The following HSPG2 variants were observed in gnomAD, a reference collection of about 807,000 sequenced individuals.
HSPG2 encodes the protein heparan sulfate proteoglycan 2, also known as basement membrane-specific heparan sulfate proteoglycan core protein.
In HSPG2, 278 loss-of-function variants were observed where a neutral mutation model predicts 526.6. That is an observed-to-expected ratio of 0.53 (90% CI 0.48 to 0.58). HSPG2 has a LOEUF of 0.58. HSPG2 is among the 20% of genes least tolerant of loss of function. HSPG2 has a pLI of 0.00. For synonymous variants in HSPG2, 2,465 were observed against 2,555.4 expected, an observed-to-expected ratio of 0.96 and a Z score of 1.07; for missense variants, 5,354 against 6,099.5, an observed-to-expected ratio of 0.88 and a Z score of 4.07.
chr1:21,884,403 T>C, intron 13 of HSPG2, 125 bp downstream of exon 13: 3 of 1,328,434 alleles, frequency 2.3e-6, no homozygotes. Context: ...GCTCAGTGTT[T>C]CTTCAGCGAC....
intron 81 of HSPG2, among the ~76,000 whole-genome samples, chr1:21,832,032 G>A (rs182496997): frequency 6.6e-6 from 1 of 152,198 alleles, no homozygotes; most frequent in African/African-American, 2.4e-5. Context: ...AGCCCACAGG[G>A]ACCCCAGGCT....
chr1:21,901,441 G>C (rs557170762), intron 1 of HSPG2, among the ~76,000 whole-genome samples: 14 of 152,222 alleles, frequency 9.2e-5, no homozygotes, highest in African/African-American at 2.6e-4. Flanking sequence ...CCAGATCTGG[G>C]ATGAAGGGAG....
intron 1 of HSPG2, among the ~76,000 whole-genome samples, chr1:21,903,848 G>A (rs1381343697): frequency 6.6e-6 from 1 of 152,188 alleles, no homozygotes; most frequent in Non-Finnish European, 1.5e-5. Context: ...CACTGACCAG[G>A]CAGGGGACTG....
rs2097958532 is a variant in HSPG2, at chr1:21,823,632, C to T, written c.12987G>A (p.Lys4329=). 1 of 1,613,708 alleles carries T rather than the reference C, an allele frequency of 6.2e-7. No individual in the cohort carries two copies. The highest frequency in any genetic ancestry group is 8.5e-7 in the Non-Finnish European group (1 of 1,179,968). ...SPGPNVAVNA[K]GSVYIGGAPD... ...CAGACTTACCGATGTAGACGCTGCC[C>T]TTGGCGTTGACTGCCACGTTGGGAC... The change falls in exon 96 of 97, where the codon AAG becomes AAA. Residue 4329 remains lysine (K), a synonymous_variant. Transcript: ENST00000374695.
chr1:21,887,533 G>T lies in HSPG2; in HGVS notation c.845C>A (p.Pro282His). 1.2e-6 allele frequency: 2 copies of T among 1,614,104 alleles called. No individual in the cohort carries two copies. The highest frequency in any genetic ancestry group is 1.7e-6 in the Non-Finnish European group (2 of 1,179,996). The change falls in exon 8 of 97, where the codon CCC becomes CAC. Residue 282 changes from proline to histidine, a missense_variant. Physicochemically the swap from Pro to His is moderately conservative, Grantham distance 77 (BLOSUM62 -2). Coordinates refer to ENST00000374695, the MANE Select transcript of HSPG2 (RefSeq NM_005529.7). This position sits in a 1 kb window ranked among gnomAD's most constrained non-coding sequence, Gnocchi z 5.0. ...PQPLLPGSVR[P>H]LPCGPQEAAC... ...GGCCTCCTGGGGCCCACAGGGCAGG[G>T]GCCTGACGGAACCGGGAAGCAGGGG...
chr1:21,912,253 T>C (rs1349816854), intron 1 of HSPG2, among the ~76,000 whole-genome samples: 2 of 151,992 alleles, frequency 1.3e-5, no homozygotes, highest in African/African-American at 4.8e-5. Context: ...AAAATGGGAA[T>C]AAAAATGACC....
In HSPG2 at chr1:21,864,936, C is replaced by T. The variant is rs763705713; in HGVS notation, c.4533G>A (p.Leu1511=). The T allele has an allele frequency of 2.5e-6, 4 of 1,606,956 alleles. No homozygotes were observed. The Admixed American group carries it at 6.7e-5, about 27-fold the overall frequency. ...TTGAGGGCCCCGGCTGGGCGACCTC[C>T]AGGCTGACTGCGCTGATGCTGGCCG... The part of the protein sequence containing the change: ...PLAASISAVS[L]EVAQPGPSNR... Residue 1511 remains leucine, a synonymous_variant, in exon 36 of 97, where the codon CTG becomes CTA. Coordinates refer to ENST00000374695, the MANE Select transcript of HSPG2 (RefSeq NM_005529.7). This position sits in a 1 kb window ranked among gnomAD's most constrained non-coding sequence, Gnocchi z 4.8.
At chr1:21,935,659 C>T (rs998657969) in intron 1 of HSPG2, among the ~76,000 whole-genome samples, 1 of 152,248 alleles carries the variant, frequency 6.6e-6, no homozygotes, top group Non-Finnish European at 1.5e-5. Flanking sequence ...CGCCATCCTA[C>T]CGCACCCGGG....
chr1:21,839,085 C>G lies in HSPG2; in HGVS notation c.9890G>C (p.Ser3297Thr). The change falls in exon 74 of 97, where the codon AGC (serine) becomes ACC (threonine). Residue 3297 changes from serine (S) to threonine (T), a missense_variant and splice_region_variant. Coordinates refer to ENST00000374695, the MANE Select transcript of HSPG2 (RefSeq NM_005529.7). The surrounding 1 kb of genome is among the most constrained non-coding windows in gnomAD (Gnocchi z 4.5). ...TGGGACCGTGGTGGCATATGGTGGG[C>G]CTGAGTGGGGGGACACAGAGGTCAG... ...AEATIILHVE[S>T]PPYATTVPEH... The G allele has an allele frequency of 6.3e-7, 1 of 1,577,668 alleles. No individual in the cohort carries two copies. The highest frequency in any genetic ancestry group is 1.3e-5 in the African/African-American group (1 of 74,438).
intron 87 of HSPG2, 54 bp downstream of exon 87, chr1:21,829,329 A>AG: frequency 1.3e-6 from 2 of 1,567,178 alleles, no homozygotes; most frequent in East Asian, 2.2e-5. Flanking sequence ...TGAAGAGCCG[A>AG]GGGGGGCACA....
rs542770914 is a variant in HSPG2 at position 21,884,437 on chromosome 1, C to G, written c.1654+91G>C. ...ACTCACATTCCTTCCCGAAACCTGG[C>G]CCCCTCTGTCCGCATCTATCCTCTG... On this transcript the variant is annotated intron_variant, in intron 13 of 96. Coordinates refer to ENST00000374695, the MANE Select transcript of HSPG2 (RefSeq NM_005529.7). The G allele has an allele frequency of 1.6e-5, 25 of 1,527,664 alleles. No homozygotes were observed. The Admixed American group carries it at 4.2e-4, about 26-fold the overall frequency. The allele number at this position is 1,527,664 out of a possible 1,614,324, so 94.6% of individuals were successfully genotyped here. A position where few individuals can be genotyped will look rare whatever the true frequency, so the allele number is the denominator to read the frequency against.
rs2098040023 is a variant in HSPG2 at position 21,839,474 on chromosome 1, T to C, written c.9786A>G (p.Thr3262=). 1 of 1,613,714 alleles carries C rather than the reference T, an allele frequency of 6.2e-7. No homozygotes were observed. Among genetic ancestry groups the C allele is most frequent in the African/African-American group, 1.3e-5 (1 of 74,808 alleles). The change falls in exon 73 of 97, where the codon ACA becomes ACG. Residue 3262 remains threonine (T), a synonymous_variant. Coordinates refer to ENST00000374695, the MANE Select transcript of HSPG2 (RefSeq NM_005529.7). The surrounding 1 kb of genome is among the most constrained non-coding windows in gnomAD (Gnocchi z 4.5). ...LPWQHRLEGD[T]LIIPRVAQQD... ...GCTGGGCTACCCGGGGTATGATGAG[T>C]GTGTCACCTTCCAGCCGGTGCTGCC... is the stretch of plus-strand genomic sequence containing the variant.
rs1235869248 is a variant in HSPG2 at position 21,823,554 on chromosome 1, G to A, written c.13003+62C>T. On this transcript the variant is annotated intron_variant, in intron 96 of 96. Transcript: ENST00000374695. ...GCCCAGGAGGCGAGGAAGGCTGGGC[G>A]AGCTCTAGCCCTAAGGGAGTGCCGT... 3.7e-6 allele frequency: 6 copies of A among 1,607,472 alleles called. No homozygotes were observed. The East Asian group carries it at 1.1e-4, about 30-fold the overall frequency.
At chr1:21,854,090 G>A in intron 50 of HSPG2, 103 bp downstream of exon 50, 6 of 1,301,440 alleles carry the variant, frequency 4.6e-6, no homozygotes, top group Middle Eastern at 1.9e-4. Context: ...GTCAAAGCCT[G>A]CCTGGAATGC....
At position 21,890,654 on chromosome 1, in the gene HSPG2, C is replaced by T. The variant is rs1350263992; in HGVS notation, c.285G>A (p.Glu95=). 1.9e-6 allele frequency: 3 copies of T among 1,614,110 alleles called. No homozygotes were observed. Among genetic ancestry groups the T allele is most frequent in the Admixed American group, 3.3e-5 (2 of 60,024 alleles). The change falls in exon 4 of 97, where the codon GAG becomes GAA. Residue 95 remains glutamate, a synonymous_variant. Transcript: ENST00000374695. This position sits in a 1 kb window ranked among gnomAD's most constrained non-coding sequence, Gnocchi z 4.1. ...CTGCATCCTCCAGCTGAGGGCTGTA[C>T]TCGATGGAGCGAGTGAAATTCACCA... is the stretch of plus-strand genomic sequence containing the variant. The part of the protein sequence containing the change: ...RALVNFTRSI[E]YSPQLEDAGS...
chr1:21,874,308 T>G, intron 28 of HSPG2, 98 bp downstream of exon 28: 1 of 1,508,998 alleles, frequency 6.6e-7, no homozygotes. Context: ...GGCCAGGATT[T>G]AACCACTGCC....
At chr1:21,863,926 G>T (rs768579199) in intron 37 of HSPG2, among the ~76,000 whole-genome samples, 174 bp downstream of exon 37, 25 of 152,268 alleles carry the variant, frequency 1.6e-4, no homozygotes, top group Admixed American at 8.5e-4. Context: ...TTATTCCATA[G>T]CTCTGGCCAC....
chr1:21,880,141 G>T lies in HSPG2; in HGVS notation c.2309C>A (p.Ala770Asp). 1 of 1,614,116 alleles carries T rather than the reference G, an allele frequency of 6.2e-7. No homozygotes were observed. Among genetic ancestry groups the T allele is most frequent in the Non-Finnish European group, 8.5e-7 (1 of 1,179,986 alleles). Reference sequence around the variant, plus strand: ...GCCATACACAGGGTCACAGGAGCTGGCATGGCCATTGCAATTGCAACCAGA... The same window carrying T: ...GCCATACACAGGGTCACAGGAGCTGTCATGGCCATTGCAATTGCAACCAGA... ...TCSGCNCNGH[A>D]SSCDPVYGHC... Residue 770 changes from alanine (A) to aspartate (D), a missense_variant, in exon 17 of 97, where the codon GCC becomes GAC. Transcript: ENST00000374695.
intron 87 of HSPG2, 98 bp from the exon 88 acceptor site, chr1:21,829,177 T>C: frequency 6.8e-7 from 1 of 1,471,096 alleles, no homozygotes; most frequent in Non-Finnish European, 9.1e-7. Context: ...GGGAATGCCC[T>C]ACAGCCTTCT....
Sources: gnomAD v4.1 joint callset for allele counts (sites outside exome capture counted in the v4.1 genomes callset) on GRCh38, gnomAD v4.1.1 for gene constraint, Gnocchi (gnomAD v3.1) non-coding constraint, MANE v1.5 for transcripts, NCBI Gene and HGNC (gene_info 2026-07-23, HGNC 2026-07-21) for gene names.